SULT4A1: variants seen among roughly 807,000 people sequenced by gnomAD.
SULT4A1 encodes the protein sulfotransferase family 4A member 1.
A neutral mutation model predicts 35.2 loss-of-function variants in SULT4A1; 11 were observed. The ratio of observed to expected loss-of-function variants is 0.31; its 90% CI spans 0.20 to 0.52. The LOEUF (loss-of-function observed/expected upper bound fraction) is 0.52. Ranked by LOEUF, SULT4A1 falls within the 20% of genes least tolerant of loss-of-function variation. The pLI is 0.97. For missense variants in SULT4A1, 271 were observed against 383.7 expected (o/e 0.71, Z 2.45); for synonymous variants, 152 against 151.8 (o/e 1.00, Z -0.01).
chr22:43,839,883 A>G, intron 3 of SULT4A1, 62 bp downstream of exon 3: 1 of 1,490,918 alleles, frequency 6.7e-7, no homozygotes, highest in African/African-American at 1.4e-5. Context: ...TGTATTGCAC[A>G]GGGACCTTGG....
At chr22:43,858,746 G>T (rs1029556072) in intron 1 of SULT4A1, among the ~76,000 whole-genome samples, 2 of 149,924 alleles carry the variant, frequency 1.3e-5, no homozygotes, top group Non-Finnish European at 3.0e-5. Context: ...CCTGTGGGTG[G>T]TTTCTCTCCA....
chr22:43,832,848 C>A (rs1200730889), intron 5 of SULT4A1, among the ~76,000 whole-genome samples: 1 of 152,124 alleles, frequency 6.6e-6, no homozygotes, highest in Non-Finnish European at 1.5e-5. Flanking sequence ...CCCTCCCCAG[C>A]ACCCAGCTCT....
intron 4 of SULT4A1, among the ~76,000 whole-genome samples, chr22:43,836,778 A>G (rs1347091483): frequency 6.7e-6 from 1 of 148,516 alleles, no homozygotes; most frequent in Non-Finnish European, 1.5e-5. Flanking sequence ...GCGTCCTCAC[A>G]CTGCAGGTGC....
At chr22:43,852,127 G>A (rs918515741) in intron 1 of SULT4A1, among the ~76,000 whole-genome samples, 9 of 152,100 alleles carry the variant, frequency 5.9e-5, no homozygotes, top group South Asian at 2.1e-4. Flanking sequence ...CTGGAGTCCC[G>A]GGATATCCAC....
chr22:43,859,559 G>A (rs987362934), intron 1 of SULT4A1, among the ~76,000 whole-genome samples: 16 of 152,312 alleles, frequency 1.1e-4, no homozygotes, highest in African/African-American at 3.8e-4. Context: ...CAACACACAG[G>A]GACAAAATAT....
chr22:43,830,764 A>C (rs779733599), intron 5 of SULT4A1, among the ~76,000 whole-genome samples: 14 of 152,144 alleles, frequency 9.2e-5, no homozygotes, highest in Non-Finnish European at 1.6e-4. Context: ...GGCCACTGTA[A>C]TTGCGGTGCA....
chr22:43,850,560 C>T (rs945856478), intron 1 of SULT4A1, among the ~76,000 whole-genome samples: 9 of 152,218 alleles, frequency 5.9e-5, no homozygotes, highest in Admixed American at 3.9e-4. Context: ...TGGGTGTTCG[C>T]TCGATCCTGT....
intron 5 of SULT4A1, among the ~76,000 whole-genome samples, chr22:43,832,674 A>C (rs2063333604): frequency 6.7e-6 from 1 of 150,214 alleles, no homozygotes; most frequent in African/African-American, 2.5e-5. Flanking sequence ...CAAACACCCC[A>C]CCACCCCAGG....
In SULT4A1 at chr22:43,838,318, G is replaced by A. The variant is rs1001667732; in HGVS notation, c.508+549C>T. Among the ~76,000 whole-genome samples the A allele has an allele frequency of 5.9e-5, 9 of 152,226 alleles. No individual in the cohort carries two copies. In the South Asian group the frequency reaches 6.2e-4, roughly 11 times the overall value. ...GAACAGCACATGGCACTCTCGGCCC[G>A]GCTGTCCTCCTCCCTGCGGGCACAA... On this transcript the variant is annotated intron_variant, in intron 4 of 6. Coordinates refer to ENST00000330884, the MANE Select transcript of SULT4A1 (RefSeq NM_014351.4).
chr22:43,832,619 C>T (rs976978135), intron 5 of SULT4A1, among the ~76,000 whole-genome samples: 17 of 151,990 alleles, frequency 1.1e-4, no homozygotes, highest in Non-Finnish European at 1.8e-4. Context: ...CACACACCCC[C>T]ACCCCAGGAT....
At chr22:43,855,973 G>A (rs1038668943) in intron 1 of SULT4A1, among the ~76,000 whole-genome samples, 13 of 152,202 alleles carry the variant, frequency 8.5e-5, no homozygotes, top group African/African-American at 2.4e-5. Flanking sequence ...ATGTTTCCAT[G>A]CTGGTAAAAG....
At chr22:43,862,158 G>A (rs955981334) in intron 1 of SULT4A1, 56 bp downstream of exon 1, 2 of 1,333,258 alleles carry the variant, frequency 1.5e-6, no homozygotes, top group Non-Finnish European at 1.9e-6. Context: ...GCGTCTACGC[G>A]GCCGCGCTGC....
intron 6 of SULT4A1, 150 bp from the exon 7 acceptor site, chr22:43,826,263 G>T: frequency 1.4e-6 from 2 of 1,451,218 alleles, no homozygotes; most frequent in South Asian, 2.9e-5. Flanking sequence ...GGCCGTCTGA[G>T]CTACAGACCA....
At chr22:43,849,478 G>C (rs900387914) in intron 1 of SULT4A1, among the ~76,000 whole-genome samples, 2 of 152,154 alleles carry the variant, frequency 1.3e-5, no homozygotes, top group African/African-American at 4.8e-5. Flanking sequence ...AGCCAGCAGA[G>C]AGAGAAAAAG....
rs111690025 is a variant in SULT4A1, at chr22:43,843,835, C to T, written c.170-1903G>A. Among the ~76,000 whole-genome samples, 564 of 152,332 alleles carry T rather than the reference C, an allele frequency of 3.7e-3. 8 individuals carry two copies. The highest frequency in any genetic ancestry group is 0.013 in the African/African-American group (532 of 41,578). ...CAGTGTTGCCCTGAGTTCTGTGAGC[C>T]GCTCTGGCAAATTAGTCAAACGTGG... On this transcript the variant is annotated intron_variant, in intron 1 of 6. Coordinates refer to ENST00000330884, the MANE Select transcript of SULT4A1 (RefSeq NM_014351.4).
rs1184507190 is a variant in SULT4A1 at position 43,825,866 on chromosome 22, G to A, written c.*135C>T. On this transcript the variant is annotated 3_prime_UTR_variant, in exon 7 of 7. Transcript: ENST00000330884. ...GAATCATCACACTCCCTCCGCTCAC[G>A]CCGCTCTTCCCTTCCCCCGCTGTTT... 5 of 853,688 alleles carry A rather than the reference G, an allele frequency of 5.9e-6. No individual in the cohort carries two copies. The highest frequency in any genetic ancestry group is 5.1e-5 in the African/African-American group (3 of 58,342). 52.9% of individuals were successfully genotyped at this position (853,688 alleles called of 1,614,324 possible).
At chr22:43,860,701 CA>C (rs34300189) in intron 1 of SULT4A1, among the ~76,000 whole-genome samples, 30,462 of 152,104 alleles carry the variant, frequency 0.2, 3,728 homozygotes, top group East Asian at 0.49. Context: ...ACTGGGCTAC[CA>C]GAAGTCCACT....
intron 1 of SULT4A1, among the ~76,000 whole-genome samples, chr22:43,858,584 G>A (rs376505345): frequency 2.0e-5 from 3 of 152,194 alleles, no homozygotes; most frequent in South Asian, 2.1e-4. Flanking sequence ...CTCATAGGAC[G>A]CAGGTAACTC....
intron 1 of SULT4A1, among the ~76,000 whole-genome samples, chr22:43,843,346 C>T (rs1355647403): frequency 1.3e-5 from 2 of 152,214 alleles, no homozygotes; most frequent in Non-Finnish European, 2.9e-5. Flanking sequence ...CGCTTGAACC[C>T]AGGAGGTAGA....
Sources: gnomAD v4.1 joint callset for allele counts (sites outside exome capture counted in the v4.1 genomes callset) on GRCh38, gnomAD v4.1.1 for gene constraint, MANE v1.5 for transcripts, NCBI Gene and HGNC (gene_info 2026-07-23, HGNC 2026-07-21) for gene names.